The following KALRN variants were observed in gnomAD, a reference collection of about 807,000 sequenced individuals.
KALRN encodes kalirin.
Under a neutral mutation model 353.7 loss-of-function variants are expected in KALRN, and 70 were observed. The observed-to-expected ratio is 0.20, with a 90% CI of 0.16 to 0.24. The LOEUF (loss-of-function observed/expected upper bound fraction) is 0.24. Ranked by LOEUF, KALRN falls within the 10% of genes least tolerant of loss-of-function variation. The probability of loss-of-function intolerance (pLI) is 1.00; values close to 1 mark genes in which losing one functional copy is unlikely to be tolerated. For synonymous variants in KALRN, 1,391 were observed against 1,434.8 expected, an observed-to-expected ratio of 0.97 and a Z score of 0.69; for missense variants, 2,791 against 3,756.7, an observed-to-expected ratio of 0.74 and a Z score of 6.72.
chr3:124,518,663 C>T (rs943573068), intron 33 of KALRN: 1 of 1,443,480 alleles, frequency 6.9e-7, no homozygotes, highest in Non-Finnish European at 9.1e-7. Flanking sequence ...GGGCTCCCTT[C>T]TTCTCTACTG....
At chr3:124,470,654 G>A (rs1464971705) in intron 25 of KALRN, among the ~76,000 whole-genome samples, 1 of 152,148 alleles carries the variant, frequency 6.6e-6, no homozygotes, top group East Asian at 1.9e-4. Flanking sequence ...CTCATCTATG[G>A]ACTGGATGTG....
At chr3:124,660,680 C>CAAAAAAAAA (rs5852424) in intron 43 of KALRN, among the ~76,000 whole-genome samples, 1 of 93,800 alleles carries the variant, frequency 1.1e-5, no homozygotes, top group African/African-American at 4.1e-5. Flanking sequence ...GACTATGTCT[C>CAAAAAAAAA]AAAAAAAAAA....
At position 124,721,581 on chromosome 3, in the gene KALRN, A is replaced by G. The variant is rs575223137; in HGVS notation, c.*2111A>G. 3 of 152,234 alleles carry G rather than the reference A, an allele frequency of 2.0e-5. No homozygotes were observed. The highest frequency in any genetic ancestry group is 4.4e-5 in the Non-Finnish European group (3 of 68,042). 9.4% of individuals were successfully genotyped at this position (152,234 alleles called of 1,614,324 possible). A position where few individuals can be genotyped will look rare whatever the true frequency, so the allele number is the denominator to read the frequency against. The stretch of plus-strand genomic sequence containing the variant: ...TCATTGTGTTTAAAAAATTTAAAAC[A>G]TATTTACTAAAAATCCTTTTAGTAA... On this transcript the variant is annotated 3_prime_UTR_variant, in exon 60 of 60. Transcript: ENST00000682506.
intron 3 of KALRN, among the ~76,000 whole-genome samples, chr3:124,258,996 T>G (rs2072459015): frequency 6.6e-6 from 1 of 152,224 alleles, no homozygotes; most frequent in Non-Finnish European, 1.5e-5. Flanking sequence ...TCTTAGACTG[T>G]GTTTAATATG....
At chr3:124,345,349 C>T (rs1170719545) in intron 9 of KALRN, among the ~76,000 whole-genome samples, 1 of 152,168 alleles carries the variant, frequency 6.6e-6, no homozygotes, top group Non-Finnish European at 1.5e-5. Context: ...GCTCATAACT[C>T]CTTTACAGTA....
chr3:124,175,019 C>T (rs955501315), intron 1 of KALRN, among the ~76,000 whole-genome samples: 4 of 152,172 alleles, frequency 2.6e-5, no homozygotes, highest in African/African-American at 9.7e-5. Flanking sequence ...GGACCAGTGT[C>T]CCATATCCCT....
Position 124,632,565 on chromosome 3 carries a change from T to G in KALRN, c.5328T>G (p.Pro1776=), listed in dbSNP as rs768611963. 8 of 1,614,214 alleles carry G rather than the reference T, an allele frequency of 5.0e-6. No individual in the cohort carries two copies. The South Asian group carries it at 8.8e-5, about 18-fold the overall frequency. The change falls in exon 35 of 60, where the codon CCT becomes CCG. Residue 1776 remains proline (P), a synonymous_variant. Coordinates refer to ENST00000682506, the MANE Select transcript of KALRN (RefSeq NM_001388419.1). The part of the protein sequence containing the change: ...TNTLKKWLTS[P]VRRLNSGKAD... The stretch of plus-strand genomic sequence containing the variant: ...CTCTTAAGAAGTGGCTGACGAGTCC[T>G]GTGCGTCGGCTTAACAGCGGGAAGG...
chr3:124,595,429 G>A (rs2149398245), intron 34 of KALRN, among the ~76,000 whole-genome samples: 1 of 152,194 alleles, frequency 6.6e-6, no homozygotes, highest in African/African-American at 2.4e-5. Context: ...ATGAATTGGG[G>A]CTTCTTGTTT....
At chr3:124,386,791 T>C (rs1199893677) in intron 11 of KALRN, among the ~76,000 whole-genome samples, 1 of 152,226 alleles carries the variant, frequency 6.6e-6, no homozygotes, top group Non-Finnish European at 1.5e-5. Context: ...TTTGGTTTAT[T>C]GTAAGCACTC....
chr3:124,307,592 G>A (rs759936477), intron 6 of KALRN, among the ~76,000 whole-genome samples: 1 of 151,860 alleles, frequency 6.6e-6, no homozygotes, highest in Non-Finnish European at 1.5e-5. Flanking sequence ...TATATGGTAA[G>A]CCCTAGAGCA....
intron 48 of KALRN, among the ~76,000 whole-genome samples, chr3:124,673,949 G>T (rs60912009): frequency 0.17 from 26,541 of 151,966 alleles, 2,434 homozygotes; most frequent in Middle Eastern, 0.21. Context: ...CAAACAATCC[G>T]TGTTCTTTCC....
chr3:124,250,066 G>GC (rs2070907963), intron 3 of KALRN, among the ~76,000 whole-genome samples: 1 of 152,158 alleles, frequency 6.6e-6, no homozygotes, highest in Non-Finnish European at 1.5e-5. Context: ...GGCCTGGGGG[G>GC]GGTGGCTTTG....
chr3:124,131,692 G>T (rs2065301652), intron 1 of KALRN, among the ~76,000 whole-genome samples: 1 of 152,162 alleles, frequency 6.6e-6, no homozygotes, highest in Non-Finnish European at 1.5e-5. Flanking sequence ...TTGTGTGTTG[G>T]GAAATTGTGG....
At chr3:124,446,987 C>G (rs41264653) in intron 21 of KALRN, 102 bp downstream of exon 21, 2 of 1,376,358 alleles carry the variant, frequency 1.5e-6, no homozygotes, top group Non-Finnish European at 2.0e-6. Flanking sequence ...GCAAAAATAC[C>G]TGGCTACAGT....
intron 37 of KALRN, among the ~76,000 whole-genome samples, chr3:124,639,424 G>C (rs1221483949): frequency 6.7e-6 from 1 of 149,206 alleles, no homozygotes; most frequent in African/African-American, 2.4e-5. Flanking sequence ...AGTCATTTAG[G>C]ATATTATTAT....
chr3:124,292,166 T>C (rs1434826564), intron 5 of KALRN, among the ~76,000 whole-genome samples: 7 of 152,114 alleles, frequency 4.6e-5, no homozygotes, highest in Admixed American at 4.6e-4. Context: ...AAAGCAAAAT[T>C]GTAAAGTGGG....
In KALRN at chr3:124,385,657, G is replaced by A. The variant is rs76064202; in HGVS notation, c.1962+621G>A. Among the ~76,000 whole-genome samples the A allele has an allele frequency of 7.5e-3, 1,136 of 152,272 alleles. 16 individuals are homozygous for A. Among genetic ancestry groups the A allele is most frequent in the African/African-American group, 0.026 (1,070 of 41,552 alleles). On this transcript the variant is annotated intron_variant, in intron 11 of 59. Coordinates refer to ENST00000682506, the MANE Select transcript of KALRN (RefSeq NM_001388419.1). ...ACCAAGGAAGCTGGCTGGGCTTGAA[G>A]CCCAGCCTGAATAATTCACCAAGTG...
chr3:124,565,831 A>G (rs774797968), intron 34 of KALRN, among the ~76,000 whole-genome samples: 4 of 152,224 alleles, frequency 2.6e-5, no homozygotes, highest in Non-Finnish European at 5.9e-5. Context: ...TCAATCTGTG[A>G]TCCCGAAGTG....
chr3:124,218,184 G>T (rs2077533652), intron 1 of KALRN, among the ~76,000 whole-genome samples: 1 of 152,144 alleles, frequency 6.6e-6, no homozygotes, highest in African/African-American at 2.4e-5. Context: ...TTAGATACCT[G>T]CCAGAGTGCC....
Sources: gnomAD v4.1 joint callset for allele counts (sites outside exome capture counted in the v4.1 genomes callset) on GRCh38, gnomAD v4.1.1 for gene constraint, MANE v1.5 for transcripts, NCBI Gene and HGNC (gene_info 2026-07-23, HGNC 2026-07-21) for gene names.